Variants in TARBP1 observed in about 807,000 individuals in gnomAD.
TARBP1 encodes tRNA guanosine 2 -O-methyltransferase TARBP1, also known as tRNA (guanosine(18)-2'-O)-methyltransferase TARBP1.
In TARBP1, 144 loss-of-function variants were observed where a neutral mutation model predicts 178.6. That is an observed-to-expected ratio of 0.81 (90% CI 0.70 to 0.93). The LOEUF is 0.93. Ranked by LOEUF, TARBP1 falls within the 40% of genes least tolerant of loss-of-function variation. The pLI is 0.00. For missense variants in TARBP1, 2,067 were observed against 2,011.7 expected (o/e 1.03, Z -0.53); for synonymous variants, 787 against 781.0 (o/e 1.01, Z -0.13).
At position 234,463,883 on chromosome 1, in the gene TARBP1, C is replaced by A; in HGVS notation, c.1353G>T (p.Gln451His). 2 of 1,599,256 alleles carry A rather than the reference C, an allele frequency of 1.3e-6. No homozygotes were observed. Among genetic ancestry groups the A allele is most frequent in the Middle Eastern group, 1.7e-4 (1 of 6,030 alleles). Residue 451 changes from glutamine (Q) to histidine (H), a missense_variant, in exon 6 of 30, where the codon CAG becomes CAT. Coordinates refer to ENST00000040877, the MANE Select transcript of TARBP1 (RefSeq NM_005646.4). Reference protein sequence around the residue: ...GSCSPLGLKLQKFLVTYISLL... With the variant: ...GSCSPLGLKLHKFLVTYISLL... ...GAGAAATATAAGTGACTAAAAACTT[C>A]TGTAATTTCAGTCCCAATGGAGAAC... is the stretch of plus-strand genomic sequence containing the variant.
At chr1:234,453,644 A>G (rs761221898) in intron 9 of TARBP1, among the ~76,000 whole-genome samples, 2 of 152,232 alleles carry the variant, frequency 1.3e-5, no homozygotes, top group Non-Finnish European at 2.9e-5. Context: ...ACATGACTTA[A>G]CATAACTAGA....
rs140520695 is a variant in TARBP1, at chr1:234,430,954, T to C, written c.2395-653A>G. On this transcript the variant is annotated intron_variant, in intron 14 of 29. Transcript: ENST00000040877. ...CTACTTCACGGGGTTATTGTGAAGA[T>C]TAAGCAAATGGGTTACTGCATGTAA... 1.7e-4 allele frequency among the ~76,000 whole-genome samples: 26 copies of C among 152,292 alleles called. No homozygotes were observed. The East Asian group carries it at 5.0e-3, about 29-fold the overall frequency.
chr1:234,406,532 A>G (rs1037304908), intron 23 of TARBP1: 21 of 178,798 alleles, frequency 1.2e-4, no homozygotes, highest in Non-Finnish European at 2.5e-4. Flanking sequence ...AGAGCAAGAT[A>G]CCACACAAAG....
chr1:234,398,325 C>CA (rs1558145117), intron 26 of TARBP1, 57 bp downstream of exon 26: 5 of 1,452,712 alleles, frequency 3.4e-6, no homozygotes, highest in South Asian at 1.5e-5. Context: ...TAACTTAAAT[C>CA]AAAAAAATCT....
rs774173246 is a variant in TARBP1, at chr1:234,430,150, T to C, written c.2546A>G (p.Gln849Arg). 3.1e-6 allele frequency: 5 copies of C among 1,614,148 alleles called. No homozygotes were observed. In the Admixed American group the frequency reaches 6.7e-5, roughly 22 times the overall value. Residue 849 changes from glutamine to arginine, a missense_variant, in exon 15 of 30, where the codon CAG (glutamine) becomes CGG (arginine). Physicochemically the swap from Gln to Arg is conservative, Grantham distance 43 (BLOSUM62 1). Transcript: ENST00000040877. ...ESFLSSLQLN[Q>R]TLQKPHAEEQ... ...CTCTGCGTGGGGCTTCTGCAGCGTC[T>C]GATTGAGCTGAAGAGAGGAAAGGAA...
At chr1:234,430,941 G>A (rs1664372978) in intron 14 of TARBP1, among the ~76,000 whole-genome samples, 1 of 152,168 alleles carries the variant, frequency 6.6e-6, no homozygotes, top group Non-Finnish European at 1.5e-5. Flanking sequence ...ACTTCACGGG[G>A]TTATTGTGAA....
chr1:234,408,331 T>A (rs1661472620), intron 23 of TARBP1, among the ~76,000 whole-genome samples: 1 of 152,152 alleles, frequency 6.6e-6, no homozygotes, highest in South Asian at 2.1e-4. Flanking sequence ...CTCCAAGCTG[T>A]CCTTGTTCAT....
intron 13 of TARBP1, among the ~76,000 whole-genome samples, chr1:234,434,462 C>A (rs773519512): frequency 6.6e-6 from 1 of 152,112 alleles, no homozygotes; most frequent in Non-Finnish European, 1.5e-5. Context: ...CAAGACTGAA[C>A]AAAAGGGCAA....
At chr1:234,434,223 C>G (rs940824996) in intron 13 of TARBP1, among the ~76,000 whole-genome samples, 1 of 152,124 alleles carries the variant, frequency 6.6e-6, no homozygotes, top group Non-Finnish European at 1.5e-5. Flanking sequence ...CTAACCTTGT[C>G]CTTGTCCATA....
chr1:234,457,532 T>C, intron 9 of TARBP1, 135 bp downstream of exon 9: 1 of 562,446 alleles, frequency 1.8e-6, no homozygotes, highest in Non-Finnish European at 3.0e-6. Flanking sequence ...AAAGCAAATA[T>C]ACAATATTTC....
rs1046350027 is a variant in TARBP1, at chr1:234,452,820, T to C, written c.1723-2254A>G. ...TGGAAGCAACCAAGATGTCCTTCAG[T>C]AGGTGAATGGATAAATAAACTGTGG... is the stretch of plus-strand genomic sequence containing the variant. On this transcript the variant is annotated intron_variant, in intron 9 of 29. Coordinates refer to ENST00000040877, the MANE Select transcript of TARBP1 (RefSeq NM_005646.4). 4.6e-5 allele frequency among the ~76,000 whole-genome samples: 7 copies of C among 152,152 alleles called. 1 individual carries two copies. The South Asian group carries it at 1.5e-3, about 32-fold the overall frequency.
intron 2 of TARBP1, among the ~76,000 whole-genome samples, chr1:234,472,260 C>T (rs540043713): frequency 1.8e-4 from 23 of 128,664 alleles, no homozygotes; most frequent in Non-Finnish European, 3.0e-4. Flanking sequence ...ACCCAGGAGG[C>T]GGATGTTGCA....
At chr1:234,445,173 CT>C (rs1381345391) in intron 12 of TARBP1, among the ~76,000 whole-genome samples, 2 of 152,140 alleles carry the variant, frequency 1.3e-5, no homozygotes, top group Non-Finnish European at 2.9e-5. Flanking sequence ...GGATCCCACC[CT>C]CCTCCCGGAA....
chr1:234,425,930 C>A, intron 19 of TARBP1, 137 bp from the exon 20 acceptor site: 1 of 632,582 alleles, frequency 1.6e-6, no homozygotes, highest in Non-Finnish European at 2.7e-6. Flanking sequence ...TACTTAATGA[C>A]AATACTTTTT....
chr1:234,473,896 A>G (rs1394545504), intron 1 of TARBP1, among the ~76,000 whole-genome samples: 1 of 152,330 alleles, frequency 6.6e-6, no homozygotes, highest in Non-Finnish European at 1.5e-5. Flanking sequence ...AAGAGTTTTC[A>G]GCAATATCTT....
chr1:234,441,363 T>C (rs1665578205), intron 12 of TARBP1, among the ~76,000 whole-genome samples: 1 of 152,186 alleles, frequency 6.6e-6, no homozygotes, highest in Admixed American at 6.5e-5. Context: ...GTAAAGGAAC[T>C]AGAATAGCTA....
chr1:234,478,482 G>A lies in TARBP1; in HGVS notation c.622C>T (p.Arg208Trp), dbSNP rs1460061985. The change falls in exon 1 of 30, where the codon CGG becomes TGG. Residue 208 changes from arginine (R) to tryptophan (W), a missense_variant. By Grantham distance (101) the Arg-to-Trp change is moderately radical. Transcript: ENST00000040877. Reference sequence around the variant, plus strand: ...GCGGCCAGCCCGCCCCACACGGCCCGCAGCGCCGCCCCGCCACATTGGACC... The same window carrying A: ...GCGGCCAGCCCGCCCCACACGGCCCACAGCGCCGCCCCGCCACATTGGACC... ...VLVQCGGAAL[R>W]AVWGGLAAPG... 4 of 1,380,890 alleles carry A rather than the reference G, an allele frequency of 2.9e-6. No homozygotes were observed. The highest frequency in any genetic ancestry group is 2.9e-5 in the South Asian group (2 of 68,102). The allele number at this position is 1,380,890 out of a possible 1,614,324, so 85.5% of individuals were successfully genotyped here.
chr1:234,408,615 C>T (rs1385632768), intron 23 of TARBP1, among the ~76,000 whole-genome samples: 3 of 152,160 alleles, frequency 2.0e-5, no homozygotes, highest in African/African-American at 7.2e-5. Context: ...CTGGCACCAC[C>T]CAGATCGATT....
chr1:234,413,116 T>C (rs1662030313), intron 22 of TARBP1, among the ~76,000 whole-genome samples: 1 of 152,112 alleles, frequency 6.6e-6, no homozygotes, highest in South Asian at 2.1e-4. Flanking sequence ...GCTCCTGCCA[T>C]TGCAGCTGAG....
Sources: gnomAD v4.1 joint callset for allele counts (sites outside exome capture counted in the v4.1 genomes callset) on GRCh38, gnomAD v4.1.1 for gene constraint, MANE v1.5 for transcripts, NCBI Gene and HGNC (gene_info 2026-07-23, HGNC 2026-07-21) for gene names.